Variants in ARHGEF25 observed in about 807,000 individuals in gnomAD.
ARHGEF25 encodes Rho guanine nucleotide exchange factor 25, also known as RAC/CDC42 exchange factor.
In ARHGEF25, 42 loss-of-function variants were observed where a neutral mutation model predicts 74.0. The ratio of observed to expected loss-of-function variants is 0.57; its 90% CI spans 0.44 to 0.73. The LOEUF is 0.73. Among genes scored for constraint, ARHGEF25 ranks in the 30% least tolerant of loss-of-function variants. The pLI, the probability that ARHGEF25 is intolerant of heterozygous loss-of-function variation, is 0.00. For missense variants in ARHGEF25, 645 were observed against 725.5 expected (o/e 0.89, Z 1.27); for synonymous variants, 293 against 278.6 (o/e 1.05, Z -0.51).
In ARHGEF25 at chr12:57,611,525, C is replaced by T. The variant is rs892199294; in HGVS notation, c.-370C>T. 65 of 987,644 alleles carry T rather than the reference C, an allele frequency of 6.6e-5. No individual in the cohort carries two copies. The highest frequency in any genetic ancestry group is 7.7e-5 in the Non-Finnish European group (64 of 831,610). The allele number at this position is 987,644 out of a possible 1,614,324, so 61.2% of individuals were successfully genotyped here. On this transcript the variant is annotated 5_prime_UTR_variant, in exon 1 of 15. Coordinates refer to ENST00000286494, the MANE Select transcript of ARHGEF25 (RefSeq NM_182947.4). The surrounding 1 kb of genome is among the most constrained non-coding windows in gnomAD (Gnocchi z 4.5). Reference sequence around the variant, plus strand: ...TCCCCGGCCCGGGCCTAGAGCCACCCCTAACCAGAGGCCGGAGACAGCTGG... The same window carrying T: ...TCCCCGGCCCGGGCCTAGAGCCACCTCTAACCAGAGGCCGGAGACAGCTGG...
intron 2 of ARHGEF25, 46 bp from the exon 3 acceptor site, chr12:57,613,218 C>T: frequency 1.9e-6 from 3 of 1,610,794 alleles, no homozygotes; most frequent in African/African-American, 2.7e-5. Flanking sequence ...GTTGGGGCCA[C>T]CCAGCTACTG....
In ARHGEF25 at chr12:57,613,103, G is replaced by A. The variant is rs1884125789; in HGVS notation, c.271G>A (p.Val91Met). 1 of 1,613,702 alleles carries A rather than the reference G, an allele frequency of 6.2e-7. No individual in the cohort carries two copies. The highest frequency in any genetic ancestry group is 1.3e-5 in the African/African-American group (1 of 74,944). The change falls in exon 2 of 15, where the codon GTG becomes ATG. Residue 91 changes from valine to methionine, a missense_variant. Physicochemically the swap from Val to Met is conservative, Grantham distance 21. This residue lies in a region of ARHGEF25 where 189 missense variants were observed against 199.1 expected (regional missense o/e 0.95). Transcript: ENST00000286494. ...WLDHSKHCLS[V>M]ETEADSGQAG... The stretch of plus-strand genomic sequence containing the variant: ...GGATCATTCCAAACATTGTCTCAGT[G>A]TGGAAACTGAGGCAGACAGTGGTCA...
chr12:57,614,994 G>T lies in ARHGEF25; in HGVS notation c.937G>T (p.Gly313Trp). 1 of 1,614,076 alleles carries T rather than the reference G, an allele frequency of 6.2e-7. No individual in the cohort carries two copies. Among genetic ancestry groups the T allele is most frequent in the Non-Finnish European group, 8.5e-7 (1 of 1,179,996 alleles). The change falls in exon 10 of 15, where the codon GGG (glycine) becomes TGG (tryptophan). Residue 313 changes from glycine to tryptophan, a missense_variant. Around this residue, in one of 3 missense-constraint regions of ARHGEF25, gnomAD observed 194 missense variants for 269.4 expected, o/e 0.72. Transcript: ENST00000286494. The surrounding 1 kb of genome is among the most constrained non-coding windows in gnomAD (Gnocchi z 4.6). Reference sequence around the variant, plus strand: ...TTTTCTCAAGTATTACAATAGAGCTGGGATGGATACTGCAGACCTAGAGGT... The same window carrying T: ...TTTTCTCAAGTATTACAATAGAGCTTGGATGGATACTGCAGACCTAGAGGT... ...KDFLKYYNRA[G>W]MDTADLEQAV...
At chr12:57,613,788 C>A (rs779858439) in intron 5 of ARHGEF25, 28 bp downstream of exon 5, 1 of 1,611,112 alleles carries the variant, frequency 6.2e-7, no homozygotes, top group Non-Finnish European at 8.5e-7. Context: ...TTCCCAGCCC[C>A]TCCTGCCTGC....
intron 10 of ARHGEF25, 106 bp downstream of exon 10, chr12:57,615,123 G>T (rs1005061815): frequency 1.1e-5 from 18 of 1,565,344 alleles, no homozygotes; most frequent in Non-Finnish European, 1.5e-5. Context: ...TGGTTTTTAG[G>T]GGGAGGCTGG....
rs372383549 is a variant in ARHGEF25 at position 57,614,649 on chromosome 12, G to A, written c.817-40G>A. On this transcript the variant is annotated intron_variant, in intron 8 of 14. Transcript: ENST00000286494. The surrounding 1 kb of genome is among the most constrained non-coding windows in gnomAD (Gnocchi z 4.6). ...TTGGTGGGAAGGAGGACAGAACTGGGGCTTTCCAGGCTGCATAACCACCCT... is the reference window on the plus strand; with the variant it reads ...TTGGTGGGAAGGAGGACAGAACTGGAGCTTTCCAGGCTGCATAACCACCCT... 22 of 1,613,640 alleles carry A rather than the reference G, an allele frequency of 1.4e-5. No individual in the cohort carries two copies. In the African/African-American group the frequency reaches 2.8e-4, roughly 21 times the overall value.
chr12:57,615,925 G>T lies in ARHGEF25; in HGVS notation c.1328G>T (p.Arg443Leu), dbSNP rs1030933223. The stretch of plus-strand genomic sequence containing the variant: ...AGAGGGCCAGAGGGTGGGATCCAGC[G>T]CTATGTCCTGCAGGCTGCAGACCCT... ...TSRGPEGGIQ[R>L]YVLQAADPAI... is the part of the protein sequence containing the mutation. The change falls in exon 13 of 15, where the codon CGC (arginine) becomes CTC (leucine). Residue 443 changes from arginine to leucine, a missense_variant. Around this residue, in one of 3 missense-constraint regions of ARHGEF25, gnomAD observed 262 missense variants for 256.9 expected, o/e 1.02. Coordinates refer to ENST00000286494, the MANE Select transcript of ARHGEF25 (RefSeq NM_182947.4). 23 of 1,614,064 alleles carry T rather than the reference G, an allele frequency of 1.4e-5. No individual in the cohort carries two copies. The highest frequency in any genetic ancestry group is 1.9e-5 in the Non-Finnish European group (22 of 1,180,030).
intron 4 of ARHGEF25, 75 bp from the exon 5 acceptor site, chr12:57,613,619 G>A (rs1326428461): frequency 6.2e-7 from 1 of 1,610,096 alleles, no homozygotes; most frequent in Admixed American, 1.7e-5. Flanking sequence ...TGATAAAGGG[G>A]AGGAGGGAGG....
rs113331112 is a variant in ARHGEF25 at position 57,616,930 on chromosome 12, G to A, written c.*36G>A. 47 of 1,523,162 alleles carry A rather than the reference G, an allele frequency of 3.1e-5. No individual in the cohort carries two copies. Among genetic ancestry groups the A allele is most frequent in the African/African-American group, 2.1e-4 (15 of 73,128 alleles). The allele number at this position is 1,523,162 out of a possible 1,614,324, so 94.4% of individuals were successfully genotyped here. On this transcript the variant is annotated 3_prime_UTR_variant, in exon 15 of 15. Coordinates refer to ENST00000286494, the MANE Select transcript of ARHGEF25 (RefSeq NM_182947.4). Reference sequence around the variant, plus strand: ...CCATGGGGGTGGTGCTGACTCAGCCGCCTATTCCCCAAGGAGCTTCAGGGC... The same window carrying A: ...CCATGGGGGTGGTGCTGACTCAGCCACCTATTCCCCAAGGAGCTTCAGGGC...
At chr12:57,616,540 A>C in intron 14 of ARHGEF25, 45 bp downstream of exon 14, 1 of 1,574,530 alleles carries the variant, frequency 6.4e-7, no homozygotes, top group Non-Finnish European at 8.6e-7. Context: ...AAAAGGGGAG[A>C]GCCTCTCTTG....
intron 3 of ARHGEF25, 37 bp from the exon 4 acceptor site, chr12:57,613,403 A>C: frequency 6.2e-7 from 1 of 1,614,178 alleles, no homozygotes. Context: ...CTCAAGGGGC[A>C]TTCGTTTGCT....
rs766056217 is a variant in ARHGEF25 at position 57,616,314 on chromosome 12, G to T, written c.1451G>T (p.Arg484Leu). 1.9e-6 allele frequency: 3 copies of T among 1,613,236 alleles called. No homozygotes were observed. In the African/African-American group the frequency reaches 4.0e-5, roughly 22 times the overall value. ...ALQSPIEYQR[R>L]ESQTNSLGRP... ...CAGTCACCCATTGAGTACCAGAGAC[G>T]GGAGAGCCAGACCAACAGCCTGGGG... Residue 484 changes from arginine (R) to leucine (L), a missense_variant, in exon 14 of 15, where the codon CGG (arginine) becomes CTG (leucine). Arg to Leu is a moderately radical substitution (Grantham distance 102). Coordinates refer to ENST00000286494, the MANE Select transcript of ARHGEF25 (RefSeq NM_182947.4).
At position 57,616,393 on chromosome 12, in the gene ARHGEF25, G is replaced by A; in HGVS notation, c.1530G>A (p.Gln510=). 1.2e-6 allele frequency: 2 copies of A among 1,614,142 alleles called. No homozygotes were observed. Among genetic ancestry groups the A allele is most frequent in the Non-Finnish European group, 1.7e-6 (2 of 1,180,020 alleles). ...GSPGRIQLGD[Q]AQGSTHTPIN... ...CTGGAAGAATTCAGCTTGGAGATCA[G>A]GCCCAGGGCAGCACACACACACCCA... Residue 510 remains glutamine (Q), a synonymous_variant, in exon 14 of 15, where the codon CAG becomes CAA. Transcript: ENST00000286494.
chr12:57,614,896 T>G lies in ARHGEF25; in HGVS notation c.910-71T>G. ...TTCCTGAGGGCCCTCACTGGTGTCCTCAGGGGAGGATGTGAGAGCTTCTAA... is the reference window on the plus strand; with the variant it reads ...TTCCTGAGGGCCCTCACTGGTGTCCGCAGGGGAGGATGTGAGAGCTTCTAA... On this transcript the variant is annotated intron_variant, in intron 9 of 14. Coordinates refer to ENST00000286494, the MANE Select transcript of ARHGEF25 (RefSeq NM_182947.4). This position sits in a 1 kb window ranked among gnomAD's most constrained non-coding sequence, Gnocchi z 4.6. The G allele has an allele frequency of 2.5e-6, 4 of 1,589,752 alleles. No individual in the cohort carries two copies. Among genetic ancestry groups the G allele is most frequent in the Non-Finnish European group, 3.4e-6 (4 of 1,161,838 alleles).
chr12:57,614,216 TGGA>T lies in ARHGEF25; in HGVS notation c.656+99_656+101del. On this transcript the variant is annotated intron_variant, in intron 6 of 14. Coordinates refer to ENST00000286494, the MANE Select transcript of ARHGEF25 (RefSeq NM_182947.4). The surrounding 1 kb of genome is among the most constrained non-coding windows in gnomAD (Gnocchi z 4.6). The stretch of plus-strand genomic sequence containing the variant: ...AGCCCATTGCGACTTAAGGAATGTT[TGGA>T]GAAGTTTTGTAGGGCACACTACCAG... 1.3e-6 allele frequency: 2 copies of T among 1,582,210 alleles called. No homozygotes were observed. The highest frequency in any genetic ancestry group is 1.7e-6 in the Non-Finnish European group (2 of 1,152,076).
intron 1 of ARHGEF25, chr12:57,612,667 C>G (rs1244400723): frequency 3.8e-6 from 5 of 1,300,168 alleles, no homozygotes; most frequent in Non-Finnish European, 4.9e-6. Flanking sequence ...CATATCTATG[C>G]TATGCTCAGG....
At chr12:57,615,407 G>A in intron 11 of ARHGEF25, 93 bp downstream of exon 11, 3 of 1,588,312 alleles carry the variant, frequency 1.9e-6, no homozygotes, top group Non-Finnish European at 1.7e-6. Context: ...TCTTCTCCTG[G>A]GGCTGACCCC....
chr12:57,616,139 C>A, intron 13 of ARHGEF25, 122 bp downstream of exon 13: 1 of 1,469,888 alleles, frequency 6.8e-7, no homozygotes, highest in Non-Finnish European at 9.2e-7. Context: ...CCACTGCTAG[C>A]TCAAAATTTG....
Position 57,615,666 on chromosome 12 carries a change from T to A in ARHGEF25, c.1193T>A (p.Val398Glu). 6.2e-7 allele frequency: 1 copy of A among 1,612,992 alleles called. No individual in the cohort carries two copies. The highest frequency in any genetic ancestry group is 8.5e-7 in the Non-Finnish European group (1 of 1,179,748). The change falls in exon 12 of 15, where the codon GTG (valine) becomes GAG (glutamate). Residue 398 changes from valine (V) to glutamate (E), a missense_variant. Physicochemically the swap from Val to Glu is moderately radical, Grantham distance 121 (BLOSUM62 -2). Transcript: ENST00000286494. ...TTCAGTGAAGCCCTGGGAGGAGGAG[T>A]GAGAGGTGGAACACAGCCTGGATAT... ...IIFSEALGGGVRGGTQPGYVY... is the reference protein window; with the variant it reads ...IIFSEALGGGERGGTQPGYVY...
Sources: gnomAD v4.1 joint callset for allele counts on GRCh38, gnomAD v4.1.1 for gene constraint, gnomAD v4.1.1 regional missense constraint, Gnocchi (gnomAD v3.1) non-coding constraint, MANE v1.5 for transcripts, NCBI Gene and HGNC (gene_info 2026-07-23, HGNC 2026-07-21) for gene names.